The following KCNT2 variants were observed in gnomAD, a reference collection of about 807,000 sequenced individuals.
KCNT2 encodes the protein potassium sodium-activated channel subfamily T member 2, also known as potassium channel subfamily T member 2.
Under a neutral mutation model 153.8 loss-of-function variants are expected in KCNT2, and 67 were observed. The ratio of observed to expected loss-of-function variants is 0.44; its 90% CI spans 0.36 to 0.53. The LOEUF (loss-of-function observed/expected upper bound fraction) is 0.53, where lower values mean the gene tolerates loss of function less well. Ranked by LOEUF, KCNT2 falls within the 20% of genes least tolerant of loss-of-function variation. The pLI is 0.00. For synonymous variants in KCNT2, 500 were observed against 458.8 expected, an observed-to-expected ratio of 1.09 and a Z score of -1.15; for missense variants, 975 against 1,354.8, an observed-to-expected ratio of 0.72 and a Z score of 4.40.
intron 14 of KCNT2, among the ~76,000 whole-genome samples, chr1:196,358,180 ACT>A (rs1169560658): frequency 6.8e-6 from 1 of 147,334 alleles, no homozygotes; most frequent in African/African-American, 2.5e-5. Context: ...GTATATTCCA[ACT>A]CTGCATTTTT....
At chr1:196,350,605 C>T (rs1666586959) in intron 14 of KCNT2, among the ~76,000 whole-genome samples, 1 of 152,094 alleles carries the variant, frequency 6.6e-6, no homozygotes. Flanking sequence ...GGATATTAGC[C>T]TTCTGTCAGA....
rs539976151 is a variant in KCNT2 at position 196,361,185 on chromosome 1, C to T, written c.1403+11955G>A. 3.3e-5 allele frequency among the ~76,000 whole-genome samples: 5 copies of T among 151,638 alleles called. No individual in the cohort carries two copies. In the East Asian group the frequency reaches 7.8e-4, roughly 24 times the overall value. ...CAGATAAGAATCACCACAAGCAACG[C>T]CCTCTCCAACAGACACCAGACACAC... On this transcript the variant is annotated intron_variant, in intron 14 of 27. Transcript: ENST00000294725.
rs139328690 is a variant in KCNT2, at chr1:196,383,163, C to T, written c.1295-9915G>A. ...CTGATGATGAAATGGAATAATGGTT[C>T]TCAAGCTATTTGTGATGAAGGGCCA... is the stretch of plus-strand genomic sequence containing the variant. On this transcript the variant is annotated intron_variant, in intron 13 of 27. Coordinates refer to ENST00000294725, the MANE Select transcript of KCNT2 (RefSeq NM_198503.5). Among the ~76,000 whole-genome samples, 78 of 152,178 alleles carry T rather than the reference C, an allele frequency of 5.1e-4. 1 individual carries two copies. The highest frequency in any genetic ancestry group is 6.8e-3 in the Middle Eastern group (2 of 294).
intron 25 of KCNT2, among the ~76,000 whole-genome samples, chr1:196,276,482 GAA>G (rs1281226458): frequency 6.6e-6 from 1 of 151,940 alleles, no homozygotes; most frequent in African/African-American, 2.4e-5. Flanking sequence ...AATTCTCTCT[GAA>G]GCCTTCTGAC....
chr1:196,254,110 C>G (rs972293026), intron 26 of KCNT2, among the ~76,000 whole-genome samples: 1 of 151,268 alleles, frequency 6.6e-6, no homozygotes, highest in African/African-American at 2.4e-5. Context: ...CATTTACTAC[C>G]TATCATTAAC....
chr1:196,539,025 C>T (rs1319442106), intron 1 of KCNT2, among the ~76,000 whole-genome samples: 1 of 151,940 alleles, frequency 6.6e-6, no homozygotes, highest in Admixed American at 6.6e-5. Flanking sequence ...TATATTTTGT[C>T]TAAACAATGG....
chr1:196,474,537 G>A (rs1454900933), intron 5 of KCNT2, among the ~76,000 whole-genome samples: 1 of 152,086 alleles, frequency 6.6e-6, no homozygotes, highest in Admixed American at 6.6e-5. Context: ...TTCTTTTCCA[G>A]AAATAAACCA....
intron 1 of KCNT2, among the ~76,000 whole-genome samples, chr1:196,604,133 CT>C (rs1180307870): frequency 6.6e-6 from 1 of 152,174 alleles, no homozygotes; most frequent in Non-Finnish European, 1.5e-5. Context: ...ATTTCAACTA[CT>C]TTATTTTCAA....
chr1:196,503,426 T>G (rs1680860554), intron 1 of KCNT2, among the ~76,000 whole-genome samples: 1 of 152,156 alleles, frequency 6.6e-6, no homozygotes, highest in East Asian at 1.9e-4. Flanking sequence ...ATAAACCTAA[T>G]AGCTTGCCAA....
rs907305582 is a variant in KCNT2, at chr1:196,570,298, A to T, written c.95+37917T>A. Among the ~76,000 whole-genome samples the T allele has an allele frequency of 4.7e-4, 71 of 152,136 alleles. 1 individual carries two copies. The highest frequency in any genetic ancestry group is 5.9e-5 in the Non-Finnish European group (4 of 68,006). On this transcript the variant is annotated intron_variant, in intron 1 of 27. Coordinates refer to ENST00000294725, the MANE Select transcript of KCNT2 (RefSeq NM_198503.5). ...TATTCTTATTGTTTAATTTTTTTAA[A>T]TTATGTGTTGGTAGATTTTCACAGT...
At chr1:196,434,446 G>T (rs1674438225) in intron 8 of KCNT2, among the ~76,000 whole-genome samples, 1 of 151,874 alleles carries the variant, frequency 6.6e-6, no homozygotes, top group South Asian at 2.1e-4. Context: ...GTCTCCTACT[G>T]TGCTTCCAGG....
chr1:196,410,188 T>C (rs1672175381), intron 12 of KCNT2, among the ~76,000 whole-genome samples: 1 of 151,778 alleles, frequency 6.6e-6, no homozygotes, highest in South Asian at 2.1e-4. Context: ...TTTTTTGCTA[T>C]TAAGCTATAG....
chr1:196,518,487 A>G (rs1034053790), intron 1 of KCNT2, among the ~76,000 whole-genome samples: 1 of 151,766 alleles, frequency 6.6e-6, no homozygotes, highest in Non-Finnish European at 1.5e-5. Context: ...TTAAAAAAAA[A>G]AAAAAAAAAG....
chr1:196,349,664 C>T (rs1210564024), intron 14 of KCNT2, among the ~76,000 whole-genome samples: 1 of 151,640 alleles, frequency 6.6e-6, no homozygotes, highest in East Asian at 1.9e-4. Context: ...AAAGATAGGT[C>T]AAACCTTTTT....
chr1:196,252,070 G>A (rs1020770630), intron 26 of KCNT2, among the ~76,000 whole-genome samples: 2 of 151,254 alleles, frequency 1.3e-5, no homozygotes, highest in Admixed American at 1.3e-4. Context: ...AATATATTAG[G>A]GTTTAGATGT....
chr1:196,444,366 G>GTTTC lies in KCNT2; in HGVS notation c.639-14613_639-14610dup, dbSNP rs1675506001. ...AAAGGTCAATCGTTCTAAGAATTAT[G>GTTTC]TTTCCCTTTTTCCTTTTTTTAAGGC... On this transcript the variant is annotated intron_variant, in intron 8 of 27. Transcript: ENST00000294725. 4.0e-5 allele frequency among the ~76,000 whole-genome samples: 6 copies of GTTTC among 151,308 alleles called. No homozygotes were observed. The South Asian group carries it at 1.2e-3, about 31-fold the overall frequency.
intron 7 of KCNT2, among the ~76,000 whole-genome samples, chr1:196,466,694 G>A (rs1054363957): frequency 1.3e-5 from 2 of 151,916 alleles, no homozygotes; most frequent in Non-Finnish European, 2.9e-5. Flanking sequence ...CAAACTTGTA[G>A]GTGCTTTTCT....
At chr1:196,537,385 T>C (rs1312146433) in intron 1 of KCNT2, among the ~76,000 whole-genome samples, 1 of 152,192 alleles carries the variant, frequency 6.6e-6, no homozygotes, top group East Asian at 1.9e-4. Flanking sequence ...ACTGTCCCAG[T>C]TCTCTTAAGC....
chr1:196,493,241 G>A (rs542076610), intron 1 of KCNT2, among the ~76,000 whole-genome samples: 12 of 150,736 alleles, frequency 8.0e-5, no homozygotes, highest in African/African-American at 2.2e-4. Flanking sequence ...TAATGTTTAC[G>A]CAAAAACAAA....
Sources: gnomAD v4.1 joint callset for allele counts (sites outside exome capture counted in the v4.1 genomes callset) on GRCh38, gnomAD v4.1.1 for gene constraint, MANE v1.5 for transcripts, NCBI Gene and HGNC (gene_info 2026-07-23, HGNC 2026-07-21) for gene names.